The following KPNA1 variants were observed in gnomAD, a reference collection of about 807,000 sequenced individuals.
The protein encoded by KPNA1 is karyopherin subunit alpha 1.
Under a neutral mutation model 70.5 loss-of-function variants are expected in KPNA1, and 10 were observed. That is an observed-to-expected ratio of 0.14 (90% CI 0.09 to 0.24). KPNA1 has a LOEUF of 0.24. Ranked by LOEUF, KPNA1 falls within the 10% of genes least tolerant of loss-of-function variation. The pLI is 1.00. For synonymous variants in KPNA1, 192 were observed against 221.9 expected, an observed-to-expected ratio of 0.87 and a Z score of 1.20; for missense variants, 397 against 637.9, an observed-to-expected ratio of 0.62 and a Z score of 4.07.
At chr3:122,460,630 C>CT in intron 5 of KPNA1, 1 of 555,710 alleles carries the variant, frequency 1.8e-6, no homozygotes, top group African/African-American at 2.1e-5. Flanking sequence ...GAGCAAGACT[C>CT]TGTCTCAAGA....
At chr3:122,470,885 G>A (rs1282849356) in intron 2 of KPNA1, among the ~76,000 whole-genome samples, 2 of 151,986 alleles carry the variant, frequency 1.3e-5, no homozygotes, top group East Asian at 3.9e-4. Flanking sequence ...TAACAAATAT[G>A]GTAAATATCA....
chr3:122,510,752 CAA>C (rs1576355301), intron 1 of KPNA1, among the ~76,000 whole-genome samples: 1 of 152,040 alleles, frequency 6.6e-6, no homozygotes, highest in Non-Finnish European at 1.5e-5. Flanking sequence ...AAAGCAAACA[CAA>C]GAGGAAACAG....
At chr3:122,470,437 G>T (rs1038316885) in intron 2 of KPNA1, among the ~76,000 whole-genome samples, 1 of 151,552 alleles carries the variant, frequency 6.6e-6, no homozygotes, top group African/African-American at 2.4e-5. Context: ...GCGTGAACCC[G>T]GGGGGTGGAG....
intron 9 of KPNA1, among the ~76,000 whole-genome samples, chr3:122,446,307 A>G (rs2076137292): frequency 6.6e-6 from 1 of 152,238 alleles, no homozygotes; most frequent in African/African-American, 2.4e-5. Context: ...AAGAACAGAA[A>G]TCACAACAAA....
chr3:122,435,181 TACAC>T (rs376986867), intron 11 of KPNA1, among the ~76,000 whole-genome samples: 5 of 152,236 alleles, frequency 3.3e-5, no homozygotes, highest in African/African-American at 9.6e-5. Context: ...GATGCTTCAA[TACAC>T]ACACACAAAC....
intron 1 of KPNA1, among the ~76,000 whole-genome samples, chr3:122,504,641 T>G (rs555797759): frequency 3.2e-4 from 48 of 152,222 alleles, no homozygotes; most frequent in African/African-American, 1.2e-3. Context: ...ACTGTCTGTG[T>G]GTGTGTGCGT....
At chr3:122,467,475 C>T (rs2076394519) in intron 2 of KPNA1, 46 bp from the exon 3 acceptor site, 1 of 1,191,978 alleles carries the variant, frequency 8.4e-7, no homozygotes, top group Non-Finnish European at 1.2e-6. Context: ...AATTCTAACA[C>T]AAGGGAGTTC....
intron 2 of KPNA1, among the ~76,000 whole-genome samples, chr3:122,481,287 C>T (rs1028736324): frequency 2.0e-5 from 3 of 152,108 alleles, no homozygotes; most frequent in Admixed American, 2.0e-4. Flanking sequence ...TGTCCAACAA[C>T]TGAGTCAATA....
Position 122,472,037 on chromosome 3 carries a change from C to A in KPNA1, c.130-4608G>T, listed in dbSNP as rs144176818. Among the ~76,000 whole-genome samples the A allele has an allele frequency of 1.2e-3, 183 of 152,292 alleles. 1 individual carries two copies. Among genetic ancestry groups the A allele is most frequent in the African/African-American group, 4.2e-3 (173 of 41,556 alleles). On this transcript the variant is annotated intron_variant, in intron 2 of 13. Coordinates refer to ENST00000344337, the MANE Select transcript of KPNA1 (RefSeq NM_002264.4). ...ACCTCTCTATCAGAAACGGCCAGATCAAGCAGGGAGAAAACCAGTAAGGAC... is the reference window on the plus strand; with the variant it reads ...ACCTCTCTATCAGAAACGGCCAGATAAAGCAGGGAGAAAACCAGTAAGGAC...
chr3:122,489,935 C>T (rs1171856602), intron 2 of KPNA1, among the ~76,000 whole-genome samples: 1 of 152,194 alleles, frequency 6.6e-6, no homozygotes, highest in African/African-American at 2.4e-5. Context: ...CATTAATCTC[C>T]ACTACTGAGG....
At chr3:122,514,052 C>T (rs566045930) in intron 1 of KPNA1, among the ~76,000 whole-genome samples, 2 of 152,306 alleles carry the variant, frequency 1.3e-5, no homozygotes, top group African/African-American at 4.8e-5. Context: ...TCCTTGTTTC[C>T]TCCTCCCGTT....
chr3:122,457,133 T>C (rs868005578), intron 5 of KPNA1, among the ~76,000 whole-genome samples: 1 of 152,126 alleles, frequency 6.6e-6, no homozygotes. Flanking sequence ...TTTAAAAAAT[T>C]AGATGTACTT....
chr3:122,446,430 A>C (rs1043664634), intron 9 of KPNA1, among the ~76,000 whole-genome samples: 3 of 152,192 alleles, frequency 2.0e-5, no homozygotes, highest in African/African-American at 7.2e-5. Flanking sequence ...CTACTGGGTA[A>C]ATAACGAAAT....
In KPNA1 at chr3:122,425,105, G is replaced by C. The variant is rs755027600; in HGVS notation, c.*1880C>G. 1 of 152,460 alleles carries C rather than the reference G, an allele frequency of 6.6e-6. No homozygotes were observed. The highest frequency in any genetic ancestry group is 1.5e-5 in the Non-Finnish European group (1 of 68,054). 9.4% of individuals were successfully genotyped at this position (152,460 alleles called of 1,614,324 possible). ...CATCAATAACAAACAGACATCAGAC[G>C]GTATCCATCCCAGAGCACAGACACT... On this transcript the variant is annotated 3_prime_UTR_variant, in exon 14 of 14. Coordinates refer to ENST00000344337, the MANE Select transcript of KPNA1 (RefSeq NM_002264.4).
intron 9 of KPNA1, among the ~76,000 whole-genome samples, chr3:122,447,357 G>A (rs1040459580): frequency 6.6e-6 from 1 of 152,148 alleles, no homozygotes; most frequent in Non-Finnish European, 1.5e-5. Flanking sequence ...GGGATGCAAG[G>A]CTGGTTCAAC....
intron 6 of KPNA1, 104 bp from the exon 7 acceptor site, chr3:122,452,168 G>C (rs1317572978): frequency 6.4e-6 from 5 of 786,012 alleles, no homozygotes; most frequent in South Asian, 1.5e-5. Context: ...GGAGTCAAAT[G>C]AAACAGTTGT....
chr3:122,479,520 G>A (rs1244229974), intron 2 of KPNA1, among the ~76,000 whole-genome samples: 1 of 152,194 alleles, frequency 6.6e-6, no homozygotes, highest in Non-Finnish European at 1.5e-5. Context: ...AGCACTTTGG[G>A]AGGCCGAGGC....
chr3:122,493,512 C>G (rs2076723658), intron 2 of KPNA1, among the ~76,000 whole-genome samples: 1 of 152,154 alleles, frequency 6.6e-6, no homozygotes, highest in Non-Finnish European at 1.5e-5. Flanking sequence ...CACAAAGAGC[C>G]TTGGAAAGCC....
chr3:122,483,307 T>C (rs1359678249), intron 2 of KPNA1: 1 of 154,188 alleles, frequency 6.5e-6, no homozygotes, highest in Admixed American at 6.5e-5. Context: ...CTTCTTGTAC[T>C]ATCCACAGGA....
Sources: gnomAD v4.1 joint callset for allele counts (sites outside exome capture counted in the v4.1 genomes callset) on GRCh38, gnomAD v4.1.1 for gene constraint, MANE v1.5 for transcripts, NCBI Gene and HGNC (gene_info 2026-07-23, HGNC 2026-07-21) for gene names.